The following CHD9 variants were observed in gnomAD, a reference collection of about 807,000 sequenced individuals.
CHD9 encodes ATP-dependent chromatin remodeler CHD9.
CHD9 carries 77 observed loss-of-function variants against 316.1 expected under a neutral mutation model. The ratio of observed to expected loss-of-function variants is 0.24; its 90% CI spans 0.20 to 0.29. CHD9 has a LOEUF of 0.29. CHD9 is among the 10% of genes least tolerant of loss of function. CHD9 has a pLI of 1.00. For missense variants in CHD9, 2,763 were observed against 3,438.1 expected, an observed-to-expected ratio of 0.80 and a Z score of 4.91; for synonymous variants, 1,129 against 1,158.3, an observed-to-expected ratio of 0.97 and a Z score of 0.51.
rs1181561726 is a variant in CHD9 at position 53,297,174 on chromosome 16, C to A, written c.5713+16C>A. On this transcript the variant is annotated intron_variant, in intron 30 of 38. Coordinates refer to ENST00000447540, the MANE Select transcript of CHD9 (RefSeq NM_001308319.2). ...TCCAAAGAAGGTATGTATAAAATTTCTTTTTCCTGGTTTCGGTCAAAGAAG... is the reference window on the plus strand; with the variant it reads ...TCCAAAGAAGGTATGTATAAAATTTATTTTTCCTGGTTTCGGTCAAAGAAG... 6.3e-7 allele frequency: 1 copy of A among 1,588,912 alleles called. No individual in the cohort carries two copies. Among genetic ancestry groups the A allele is most frequent in the Admixed American group, 1.8e-5 (1 of 56,976 alleles).
chr16:53,321,595 G>A lies in CHD9; in HGVS notation c.7783G>A (p.Val2595Ile). 1.3e-6 allele frequency: 2 copies of A among 1,542,594 alleles called. No individual in the cohort carries two copies. Among genetic ancestry groups the A allele is most frequent in the South Asian group, 1.2e-5 (1 of 80,834 alleles). ...RFLKENSEYG[V>I]APEWGDVVKQ... ...CCTAAAAGAAAATTCAGAATATGGA[G>A]TAGCTCCTGAATGGGGAGATGTTGT... The change falls in exon 38 of 39, where the codon GTA becomes ATA. Residue 2595 changes from valine (V) to isoleucine (I), a missense_variant. Physicochemically the swap from Val to Ile is conservative, Grantham distance 29 (BLOSUM62 3). Transcript: ENST00000447540.
intron 29 of CHD9, 74 bp downstream of exon 29, chr16:53,293,126 A>G (rs574813664): frequency 2.2e-5 from 29 of 1,319,518 alleles, no homozygotes; most frequent in Middle Eastern, 1.8e-4. Context: ...TCTGGGTACA[A>G]TTATCACGCT....
intron 3 of CHD9, among the ~76,000 whole-genome samples, chr16:53,210,236 C>T (rs926646440): frequency 7.0e-6 from 1 of 143,550 alleles, no homozygotes; most frequent in Admixed American, 7.0e-5. Context: ...AGTTTGGAAA[C>T]ATGAAATGTA....
intron 2 of CHD9, among the ~76,000 whole-genome samples, chr16:53,174,521 G>C (rs778490067): frequency 7.2e-5 from 11 of 151,916 alleles, no homozygotes; most frequent in Non-Finnish European, 1.5e-4. Context: ...TACCTACTTT[G>C]TCTGATACTA....
At chr16:53,251,217 G>A (rs2050100364) in intron 17 of CHD9, among the ~76,000 whole-genome samples, 1 of 152,176 alleles carries the variant, frequency 6.6e-6, no homozygotes, top group African/African-American at 2.4e-5. Context: ...TGGCAAGCCA[G>A]ATTTGGTCCA....
In CHD9 at chr16:53,227,574, A is replaced by G. The variant is rs2047762495; in HGVS notation, c.2139A>G (p.Thr713=). 1.4e-6 allele frequency: 2 copies of G among 1,390,724 alleles called. No homozygotes were observed. The highest frequency in any genetic ancestry group is 3.0e-5 in the African/African-American group (2 of 67,096). 86.1% of individuals were successfully genotyped at this position (1,390,724 alleles called of 1,614,324 possible). Residue 713 remains threonine, a synonymous_variant, in exon 7 of 39, where the codon ACA becomes ACG. Transcript: ENST00000447540. ...KEISPGVMID[T]EEFFVKYKNY... ...TATCACCTGGAGTGATGATTGATACAGAAGAATTTTTTGTAAAATACAAGA... is the reference window on the plus strand; with the variant it reads ...TATCACCTGGAGTGATGATTGATACGGAAGAATTTTTTGTAAAATACAAGA...
chr16:53,225,591 T>C (rs1567513944), intron 4 of CHD9, among the ~76,000 whole-genome samples: 1 of 152,132 alleles, frequency 6.6e-6, no homozygotes, highest in Non-Finnish European at 1.5e-5. Context: ...ATTACTTAGA[T>C]TATTTAAAAA....
At chr16:53,185,882 G>A (rs1027571757) in intron 2 of CHD9, among the ~76,000 whole-genome samples, 1 of 152,232 alleles carries the variant, frequency 6.6e-6, no homozygotes, top group Non-Finnish European at 1.5e-5. Context: ...AAGAATTGAG[G>A]TTTGGGAACC....
At chr16:53,296,856 A>G in intron 29 of CHD9, 100 bp from the exon 30 acceptor site, 1 of 750,040 alleles carries the variant, frequency 1.3e-6, no homozygotes, top group South Asian at 1.9e-5. Context: ...AGTGTTAGGT[A>G]CTTGAAATGT....
Position 53,326,809 on chromosome 16 carries a change from C to G in CHD9, c.*1914C>G, listed in dbSNP as rs2057556080. 1 of 151,588 alleles carries G rather than the reference C, an allele frequency of 6.6e-6. No individual in the cohort carries two copies. The highest frequency in any genetic ancestry group is 6.6e-5 in the Admixed American group (1 of 15,170). The allele number at this position is 151,588 out of a possible 1,614,324, so 9.4% of individuals were successfully genotyped here. A position where few individuals can be genotyped will look rare whatever the true frequency, so the allele number is the denominator to read the frequency against. ...ACCGGTGGAGTATTTCAACACCAAC[C>G]ACATTTCCCTTCCTCCCTCTAATTC... is the stretch of plus-strand genomic sequence containing the variant. On this transcript the variant is annotated 3_prime_UTR_variant, in exon 39 of 39. Transcript: ENST00000447540.
At chr16:53,321,270 G>C in intron 37 of CHD9, 2 of 1,340,676 alleles carry the variant, frequency 1.5e-6, no homozygotes, top group Non-Finnish European at 1.9e-6. Context: ...GGCCTGTCCA[G>C]CATGGTAGTT....
At chr16:53,248,882 ATAT>A (rs1597635896) in intron 16 of CHD9, among the ~76,000 whole-genome samples, 1 of 152,168 alleles carries the variant, frequency 6.6e-6, no homozygotes, top group African/African-American at 2.4e-5. Context: ...ATACTGATTT[ATAT>A]TATTAGAGAT....
At chr16:53,080,028 C>T (rs113677487) in intron 1 of CHD9, among the ~76,000 whole-genome samples, 12 of 152,248 alleles carry the variant, frequency 7.9e-5, no homozygotes, top group South Asian at 2.1e-4. Context: ...CCCAGAGATC[C>T]GGGACCTTCA....
chr16:53,256,196 G>T (rs1363657293), intron 19 of CHD9, among the ~76,000 whole-genome samples: 1 of 151,940 alleles, frequency 6.6e-6, no homozygotes, highest in African/African-American at 2.4e-5. Flanking sequence ...GGGCGAGGTG[G>T]TTCACATCTG....
intron 3 of CHD9, among the ~76,000 whole-genome samples, chr16:53,210,632 G>A (rs1260593300): frequency 6.6e-6 from 1 of 152,002 alleles, no homozygotes; most frequent in Non-Finnish European, 1.5e-5. Context: ...ACTTCATGTG[G>A]AAATTTGACA....
intron 13 of CHD9, among the ~76,000 whole-genome samples, chr16:53,243,500 A>T (rs1014668096): frequency 6.6e-6 from 1 of 152,072 alleles, no homozygotes; most frequent in African/African-American, 2.4e-5. Context: ...TTTAGTAGAG[A>T]TGGGGTTTCT....
chr16:53,222,565 T>C (rs2047335846), intron 3 of CHD9, 79 bp from the exon 4 acceptor site: 1 of 690,722 alleles, frequency 1.4e-6, no homozygotes, highest in Non-Finnish European at 2.5e-6. Context: ...GAAGAAAGTT[T>C]ATCATGACAA....
Position 53,156,175 on chromosome 16 carries a change from A to G in CHD9, c.86A>G (p.Gln29Arg). Residue 29 changes from glutamine (Q) to arginine (R), a missense_variant, in exon 2 of 39, where the codon CAA becomes CGA. By Grantham distance (43) the Gln-to-Arg change is conservative (BLOSUM62 1). Coordinates refer to ENST00000447540, the MANE Select transcript of CHD9 (RefSeq NM_001308319.2). ...LEGLSDDAFV[Q>R]PGPVSLVDEL... ...GGTTTGTCAGATGATGCATTTGTAC[A>G]ACCAGGACCTGTTTCACTAGTTGAT... The G allele has an allele frequency of 6.2e-7, 1 of 1,613,978 alleles. No homozygotes were observed. The highest frequency in any genetic ancestry group is 1.1e-5 in the South Asian group (1 of 91,084).
chr16:53,205,285 G>C (rs947834836), intron 2 of CHD9, among the ~76,000 whole-genome samples: 1 of 152,122 alleles, frequency 6.6e-6, no homozygotes, highest in Non-Finnish European at 1.5e-5. Context: ...CATTTGAATA[G>C]GGTGCAGACC....
Sources: allele counts gnomAD v4.1 joint callset (sites outside exome capture counted in the v4.1 genomes callset), GRCh38; gene constraint gnomAD v4.1.1; transcripts MANE v1.5; gene names NCBI Gene and HGNC (gene_info 2026-07-23, HGNC 2026-07-21).